DENND2A: variants seen among roughly 807,000 people sequenced by gnomAD.
DENND2A encodes DENN domain-containing protein 2A.
Under a neutral mutation model 105.3 loss-of-function variants are expected in DENND2A, and 53 were observed. The ratio of observed to expected loss-of-function variants is 0.50; its 90% CI spans 0.40 to 0.63. The LOEUF is 0.63. Among genes scored for constraint, DENND2A ranks in the 30% least tolerant of loss-of-function variants. DENND2A has a pLI of 0.00. For synonymous variants in DENND2A, 522 were observed against 508.4 expected (o/e 1.03, Z -0.36); for missense variants, 1,138 against 1,279.6 (o/e 0.89, Z 1.69).
At chr7:140,539,630 A>C (rs1796579497) in intron 14 of DENND2A, among the ~76,000 whole-genome samples, 1 of 152,156 alleles carries the variant, frequency 6.6e-6, no homozygotes, top group South Asian at 2.1e-4. Context: ...AGAATGACGG[A>C]TCCTCTGCAC....
At position 140,559,834 on chromosome 7, in the gene DENND2A, G is replaced by A. The variant is rs1422997275; in HGVS notation, c.1780-17C>T. On this transcript the variant is annotated splice_polypyrimidine_tract_variant and intron_variant, in intron 9 of 19. Coordinates refer to ENST00000496613, the MANE Select transcript of DENND2A (RefSeq NM_015689.5). This position sits in a 1 kb window ranked among gnomAD's most constrained non-coding sequence, Gnocchi z 4.1. ...CCTTTCCAACTGCAGGGAGAAAGGT[G>A]AGAGAAAATTCGAGAACAAATCTCA... The A allele has an allele frequency of 1.0e-5, 16 of 1,580,828 alleles. No individual in the cohort carries two copies. Among genetic ancestry groups the A allele is most frequent in the Non-Finnish European group, 1.4e-5 (16 of 1,149,914 alleles).
At chr7:140,617,846 C>T (rs950747703) in intron 1 of DENND2A, among the ~76,000 whole-genome samples, 6 of 152,152 alleles carry the variant, frequency 3.9e-5, no homozygotes, top group African/African-American at 1.4e-4. Context: ...TGTGACGTGC[C>T]GGATGCCAGA....
chr7:140,543,876 G>A (rs1315453796), intron 14 of DENND2A: 2 of 152,638 alleles, frequency 1.3e-5, no homozygotes, highest in African/African-American at 4.9e-5. Context: ...ACAAGTGTGA[G>A]CCACTGCGCC....
intron 5 of DENND2A, among the ~76,000 whole-genome samples, chr7:140,575,357 A>G (rs1382080569): frequency 1.3e-5 from 2 of 152,154 alleles, no homozygotes; most frequent in Non-Finnish European, 2.9e-5. Context: ...TCACTCCCAC[A>G]CTGTCATACA....
chr7:140,613,682 AC>A (rs113214152), intron 1 of DENND2A, among the ~76,000 whole-genome samples: 52,816 of 149,328 alleles, frequency 0.35, 9,904 homozygotes, highest in African/African-American at 0.51. Flanking sequence ...AAAAAAAAAA[AC>A]AAACAAAAAA....
At chr7:140,569,848 G>C (rs1478406465) in intron 6 of DENND2A, 110 bp from the exon 7 acceptor site, 4 of 753,950 alleles carry the variant, frequency 5.3e-6, no homozygotes, top group South Asian at 4.5e-5. Flanking sequence ...GGGCCAGGGG[G>C]AGTGGGAGAA....
chr7:140,615,134 T>C (rs1253296749), intron 1 of DENND2A, among the ~76,000 whole-genome samples: 1 of 152,214 alleles, frequency 6.6e-6, no homozygotes, highest in Non-Finnish European at 1.5e-5. Context: ...TCCAAAGTGC[T>C]GGGATTACAG....
At chr7:140,609,427 C>T (rs922079060) in intron 1 of DENND2A, among the ~76,000 whole-genome samples, 3 of 152,118 alleles carry the variant, frequency 2.0e-5, no homozygotes, top group South Asian at 4.1e-4. Context: ...GCAGAAGAAT[C>T]GCTTGAACCC....
intron 14 of DENND2A, chr7:140,544,339 C>T (rs143952131): frequency 9.4e-5 from 49 of 521,564 alleles, no homozygotes; most frequent in Middle Eastern, 5.3e-4. Flanking sequence ...GGATAACAAG[C>T]GTGGGCCACC....
At chr7:140,539,751 C>G (rs10952730) in intron 14 of DENND2A, among the ~76,000 whole-genome samples, 65,444 of 152,210 alleles carry the variant, frequency 0.43, 14,345 homozygotes, top group Admixed American at 0.46. Flanking sequence ...CACGCCCCGT[C>G]GCTGCCGTCA....
Position 140,555,580 on chromosome 7 carries a change from C to T in DENND2A, c.2037+56G>A, listed in dbSNP as rs556757975. 6.7e-6 allele frequency: 10 copies of T among 1,491,670 alleles called. No individual in the cohort carries two copies. The Admixed American group carries it at 1.6e-4, about 24-fold the overall frequency. The allele number at this position is 1,491,670 out of a possible 1,614,324, so 92.4% of individuals were successfully genotyped here. ...AGGACATGGGGGTATTCCCTGGAGC[C>T]CTCTAGAGCCCTCCCGTTCCTTCCC... is the stretch of plus-strand genomic sequence containing the variant. On this transcript the variant is annotated intron_variant, in intron 12 of 19. Transcript: ENST00000496613.
intron 1 of DENND2A, among the ~76,000 whole-genome samples, chr7:140,637,531 C>T (rs543173241): frequency 6.6e-6 from 1 of 152,152 alleles, no homozygotes; most frequent in Non-Finnish European, 1.5e-5. Flanking sequence ...AAGATTTCCA[C>T]CCTCCTGGGC....
At chr7:140,569,861 T>C in intron 6 of DENND2A, 123 bp from the exon 7 acceptor site, 1 of 709,910 alleles carries the variant, frequency 1.4e-6, no homozygotes, top group Non-Finnish European at 2.5e-6. Context: ...TGGGAGAAAC[T>C]TCCCATGGGC....
At position 140,568,222 on chromosome 7, in the gene DENND2A, G is replaced by A. The variant is rs1032776810; in HGVS notation, c.1591+541C>T. Among the ~76,000 whole-genome samples the A allele has an allele frequency of 2.6e-5, 4 of 152,278 alleles. No individual in the cohort carries two copies. The East Asian group carries it at 7.7e-4, about 29-fold the overall frequency. ...CCTAAAGTGCTGGGATTACAGGCGT[G>A]AGCCACCAAGCCCGGCCCCTGGACT... On this transcript the variant is annotated intron_variant, in intron 8 of 19. Transcript: ENST00000496613.
intron 3 of DENND2A, among the ~76,000 whole-genome samples, chr7:140,590,277 C>T (rs1310882363): frequency 2.6e-5 from 4 of 152,088 alleles, no homozygotes; most frequent in Non-Finnish European, 5.9e-5. Context: ...GTAATCTCAG[C>T]TACTCGGGAG....
Position 140,602,224 on chromosome 7 carries a change from C to CT in DENND2A, c.173dup (p.Val59GlyfsTer27). ...TCCTGCTGGGTGCAGGAGTGGGCACCTCTTTCTTCCCTTCCCATTCTGATA... is the reference window on the plus strand; with the variant it reads ...TCCTGCTGGGTGCAGGAGTGGGCACCTTCTTTCTTCCCTTCCCATTCTGATA... On this transcript the variant is annotated frameshift_variant, in exon 3 of 20. Coordinates refer to ENST00000496613, the MANE Select transcript of DENND2A (RefSeq NM_015689.5). LOFTEE classifies it high-confidence loss of function. The CT allele has an allele frequency of 6.2e-7, 1 of 1,614,108 alleles. No individual in the cohort carries two copies. Among genetic ancestry groups the CT allele is most frequent in the Admixed American group, 1.7e-5 (1 of 60,020 alleles).
intron 12 of DENND2A, among the ~76,000 whole-genome samples, chr7:140,547,781 A>T (rs1196689864): frequency 6.6e-6 from 1 of 152,250 alleles, no homozygotes; most frequent in African/African-American, 2.4e-5. Flanking sequence ...CACTATATCC[A>T]TATAATGGAA....
At position 140,518,555 on chromosome 7, in the gene DENND2A, T is replaced by C. The variant is rs1795739880; in HGVS notation, c.*152A>G. ...CTCCCAGGCGGCTCCCAGGTCCTCA[T>C]CCAGGGAAGAGCCCAGCCTCGGCCA... On this transcript the variant is annotated 3_prime_UTR_variant, in exon 20 of 20. Coordinates refer to ENST00000496613, the MANE Select transcript of DENND2A (RefSeq NM_015689.5). 1 of 704,368 alleles carries C rather than the reference T, an allele frequency of 1.4e-6. No individual in the cohort carries two copies. Among genetic ancestry groups the C allele is most frequent in the East Asian group, 3.0e-5 (1 of 33,552 alleles). 43.6% of individuals were successfully genotyped at this position (704,368 alleles called of 1,614,324 possible).
chr7:140,608,070 C>T lies in DENND2A; in HGVS notation c.-247-2264G>A, dbSNP rs73500429. 2.5e-3 allele frequency among the ~76,000 whole-genome samples: 383 copies of T among 152,280 alleles called. 1 individual carries two copies. Among genetic ancestry groups the T allele is most frequent in the African/African-American group, 8.5e-3 (353 of 41,552 alleles). The stretch of plus-strand genomic sequence containing the variant: ...CCAAAAGGAAAAAAGGCCACTGTGT[C>T]GAATGCACAGAGATGGATGTATGAA... On this transcript the variant is annotated intron_variant, in intron 1 of 19. Coordinates refer to ENST00000496613, the MANE Select transcript of DENND2A (RefSeq NM_015689.5).
Sources: gnomAD v4.1 joint callset for allele counts (sites outside exome capture counted in the v4.1 genomes callset) on GRCh38, gnomAD v4.1.1 for gene constraint, Gnocchi (gnomAD v3.1) non-coding constraint, MANE v1.5 for transcripts, NCBI Gene and HGNC (gene_info 2026-07-23, HGNC 2026-07-21) for gene names.